The following EEFSEC variants were observed in gnomAD, a reference collection of about 807,000 sequenced individuals.
EEFSEC encodes eukaryotic elongation factor, selenocysteine-tRNA specific.
In EEFSEC, 43 loss-of-function variants were observed where a neutral mutation model predicts 42.1. The observed-to-expected ratio is 1.02, with a 90% CI of 0.80 to 1.32. The LOEUF is 1.32. Ranked by LOEUF, EEFSEC falls within the 40% of genes most tolerant of loss-of-function variation. The pLI, the probability that EEFSEC is intolerant of heterozygous loss-of-function variation, is 0.00. For synonymous variants in EEFSEC, 354 were observed against 339.1 expected (o/e 1.04, Z -0.48); for missense variants, 745 against 803.6 (o/e 0.93, Z 0.88).
chr3:128,191,810 T>G (rs2065527508), intron 1 of EEFSEC, among the ~76,000 whole-genome samples: 1 of 152,242 alleles, frequency 6.6e-6, no homozygotes, highest in Non-Finnish European at 1.5e-5. Context: ...AAGGGAAAGA[T>G]AATATTCCAG....
chr3:128,169,192 C>T (rs1408617447), intron 1 of EEFSEC, among the ~76,000 whole-genome samples: 1 of 152,188 alleles, frequency 6.6e-6, no homozygotes, highest in Non-Finnish European at 1.5e-5. Context: ...CCAGGGAAGG[C>T]CTTTCTGAAG....
chr3:128,253,378 G>T (rs930817911), intron 2 of EEFSEC, among the ~76,000 whole-genome samples: 2 of 152,082 alleles, frequency 1.3e-5, no homozygotes, highest in African/African-American at 4.8e-5. Flanking sequence ...TTTCTCCTAT[G>T]GGAGAGGCCT....
chr3:128,239,232 T>C (rs1576572071), intron 1 of EEFSEC, among the ~76,000 whole-genome samples: 1 of 152,312 alleles, frequency 6.6e-6, no homozygotes, highest in Middle Eastern at 3.4e-3. Context: ...CATGCTGCCG[T>C]TAATACTCTT....
intron 1 of EEFSEC, among the ~76,000 whole-genome samples, chr3:128,209,188 C>T (rs1054915769): frequency 6.6e-6 from 1 of 152,234 alleles, no homozygotes; most frequent in Non-Finnish European, 1.5e-5. Context: ...ATTGCTCTCA[C>T]CCCTTAAAGA....
At chr3:128,374,367 G>A (rs1332425930) in intron 6 of EEFSEC, among the ~76,000 whole-genome samples, 1 of 152,146 alleles carries the variant, frequency 6.6e-6, no homozygotes. Flanking sequence ...TACTGGTCAG[G>A]TACCTACAAT....
chr3:128,193,746 G>A (rs2107806853), intron 1 of EEFSEC, among the ~76,000 whole-genome samples: 1 of 152,182 alleles, frequency 6.6e-6, no homozygotes, highest in Non-Finnish European at 1.5e-5. Context: ...TAATCCGCAG[G>A]CCAGGATTTG....
chr3:128,338,807 G>C (rs2108072118), intron 4 of EEFSEC, among the ~76,000 whole-genome samples: 1 of 152,198 alleles, frequency 6.6e-6, no homozygotes, highest in East Asian at 1.9e-4. Context: ...GGCGGTGGAG[G>C]GGGTACCAGG....
intron 1 of EEFSEC, among the ~76,000 whole-genome samples, chr3:128,166,777 G>A (rs1031537436): frequency 1.3e-5 from 2 of 151,826 alleles, no homozygotes; most frequent in African/African-American, 4.8e-5. Context: ...CCATCACCAC[G>A]CCTTCTCCCT....
intron 4 of EEFSEC, among the ~76,000 whole-genome samples, chr3:128,280,040 T>C (rs1386185344): frequency 1.3e-5 from 2 of 152,248 alleles, no homozygotes; most frequent in Non-Finnish European, 2.9e-5. Flanking sequence ...GGACAGAGAC[T>C]TTTGTCAGTC....
chr3:128,250,961 C>T lies in EEFSEC; in HGVS notation c.524+3918C>T, dbSNP rs1163754278. On this transcript the variant is annotated intron_variant, in intron 2 of 6. Transcript: ENST00000254730. ...GTTTTGTAGTTTTTAGCGTACAAGGCTTTTGTCTCTTCGATTTATTCCTAA... is the reference window on the plus strand; with the variant it reads ...GTTTTGTAGTTTTTAGCGTACAAGGTTTTTGTCTCTTCGATTTATTCCTAA... Among the ~76,000 whole-genome samples, 6 of 96,702 alleles carry T rather than the reference C, an allele frequency of 6.2e-5. No homozygotes were observed. In the Admixed American group the frequency reaches 6.7e-4, roughly 11 times the overall value. 63.4% of individuals were successfully genotyped at this position (96,702 alleles called of 152,430 possible). A position where few individuals can be genotyped will look rare whatever the true frequency, so the allele number is the denominator to read the frequency against.
At chr3:128,366,062 C>T (rs2067586427) in intron 6 of EEFSEC, among the ~76,000 whole-genome samples, 1 of 152,228 alleles carries the variant, frequency 6.6e-6, no homozygotes, top group South Asian at 2.1e-4. Context: ...GCAGATTTGT[C>T]AGGGCCTAAG....
At chr3:128,189,746 A>T (rs1182367234) in intron 1 of EEFSEC, among the ~76,000 whole-genome samples, 1 of 151,346 alleles carries the variant, frequency 6.6e-6, no homozygotes, top group Non-Finnish European at 1.5e-5. Context: ...TTTTGTAGAG[A>T]CGGGGGTCTC....
chr3:128,350,041 G>T (rs547873528), intron 5 of EEFSEC, among the ~76,000 whole-genome samples: 7 of 152,238 alleles, frequency 4.6e-5, no homozygotes, highest in African/African-American at 1.7e-4. Flanking sequence ...CACTGGCGCC[G>T]GTCAGGGAAG....
chr3:128,183,551 C>T (rs1032221427), intron 1 of EEFSEC, among the ~76,000 whole-genome samples: 5 of 152,194 alleles, frequency 3.3e-5, no homozygotes, highest in South Asian at 2.1e-4. Flanking sequence ...TTGCTTCTTA[C>T]GGTGCTTATT....
intron 1 of EEFSEC, among the ~76,000 whole-genome samples, chr3:128,159,370 CCCCAAGGCCAT>C (rs1460508295): frequency 6.6e-6 from 1 of 152,222 alleles, no homozygotes; most frequent in Non-Finnish European, 1.5e-5. Flanking sequence ...TTGAAATGGC[CCCCAAGGCCAT>C]CCTGGCTTAT....
intron 4 of EEFSEC, among the ~76,000 whole-genome samples, chr3:128,294,542 C>A (rs1366564801): frequency 1.3e-5 from 2 of 152,176 alleles, no homozygotes; most frequent in East Asian, 3.8e-4. Flanking sequence ...CAGCAGGGCC[C>A]CAGACCTAAG....
intron 1 of EEFSEC, among the ~76,000 whole-genome samples, chr3:128,216,974 T>C (rs1176912018): frequency 6.6e-6 from 1 of 152,230 alleles, no homozygotes; most frequent in Non-Finnish European, 1.5e-5. Flanking sequence ...CATATGTAGC[T>C]CAAGTATTCA....
intron 1 of EEFSEC, among the ~76,000 whole-genome samples, chr3:128,189,705 C>T (rs2065502109): frequency 6.6e-6 from 1 of 150,882 alleles, no homozygotes; most frequent in Admixed American, 6.6e-5. Context: ...CTAAGGTCCT[C>T]ACCACCATGC....
At chr3:128,349,317 C>T (rs1301805596) in intron 5 of EEFSEC, among the ~76,000 whole-genome samples, 1 of 152,148 alleles carries the variant, frequency 6.6e-6, no homozygotes, top group African/African-American at 2.4e-5. Flanking sequence ...CCGGCCCAGG[C>T]AGCCTAGAGA....
Sources: gnomAD v4.1 joint callset for allele counts (sites outside exome capture counted in the v4.1 genomes callset) on GRCh38, gnomAD v4.1.1 for gene constraint, MANE v1.5 for transcripts, NCBI Gene and HGNC (gene_info 2026-07-23, HGNC 2026-07-21) for gene names.